The following TSHZ2 variants were observed in gnomAD, a reference collection of about 807,000 sequenced individuals.
TSHZ2 encodes teashirt zinc finger homeobox 2.
A neutral mutation model predicts 74.4 loss-of-function variants in TSHZ2; 21 were observed. The ratio of observed to expected loss-of-function variants is 0.28; its 90% CI spans 0.20 to 0.41. The LOEUF is 0.41. TSHZ2 is among the 10% of genes least tolerant of loss of function. The pLI is 1.00. For missense variants in TSHZ2, 1,244 were observed against 1,293.5 expected, an observed-to-expected ratio of 0.96 and a Z score of 0.59; for synonymous variants, 540 against 515.3, an observed-to-expected ratio of 1.05 and a Z score of -0.65.
chr20:53,340,260 G>A (rs963127717), intron 2 of TSHZ2, among the ~76,000 whole-genome samples: 172 of 130,274 alleles, frequency 1.3e-3, no homozygotes, highest in African/African-American at 3.5e-3. Flanking sequence ...TCGGCTCACT[G>A]CAAACTCCGC....
At chr20:53,172,808 G>A (rs1015063859) in intron 1 of TSHZ2, among the ~76,000 whole-genome samples, 9 of 152,166 alleles carry the variant, frequency 5.9e-5, no homozygotes, top group Admixed American at 2.6e-4. Flanking sequence ...TATTCCATTC[G>A]GTCCTCTTCA....
chr20:53,233,198 A>C (rs1472313459), intron 1 of TSHZ2, among the ~76,000 whole-genome samples: 2 of 152,258 alleles, frequency 1.3e-5, no homozygotes, highest in Non-Finnish European at 2.9e-5. Flanking sequence ...GGAATCAATG[A>C]AATGCTATTT....
At chr20:53,228,217 C>T (rs1239934570) in intron 1 of TSHZ2, among the ~76,000 whole-genome samples, 2 of 151,650 alleles carry the variant, frequency 1.3e-5, no homozygotes, top group Non-Finnish European at 2.9e-5. Flanking sequence ...GGACTCTGTG[C>T]CTCTGGAAGT....
At chr20:53,335,393 G>A (rs562208527) in intron 2 of TSHZ2, among the ~76,000 whole-genome samples, 4 of 152,184 alleles carry the variant, frequency 2.6e-5, no homozygotes, top group Non-Finnish European at 5.9e-5. Flanking sequence ...AATAGACTGG[G>A]TCCCTAAAGA....
At chr20:53,083,503 G>A (rs1473695362) in intron 1 of TSHZ2, among the ~76,000 whole-genome samples, 2 of 151,898 alleles carry the variant, frequency 1.3e-5, no homozygotes, top group Admixed American at 6.6e-5. Flanking sequence ...TGATCACATC[G>A]GAAAGCCAAA....
chr20:53,102,003 A>T (rs774350745), intron 1 of TSHZ2, among the ~76,000 whole-genome samples: 1 of 149,994 alleles, frequency 6.7e-6, no homozygotes, highest in Non-Finnish European at 1.5e-5. Flanking sequence ...TAATTTGGTA[A>T]CAATAAATAA....
chr20:53,444,864 C>T (rs1264486595), intron 2 of TSHZ2, among the ~76,000 whole-genome samples: 1 of 152,142 alleles, frequency 6.6e-6, no homozygotes. Flanking sequence ...TGCCACTTGG[C>T]CCCCCAGCCC....
intron 2 of TSHZ2, among the ~76,000 whole-genome samples, chr20:53,366,945 T>G (rs1372467711): frequency 6.6e-6 from 1 of 152,222 alleles, no homozygotes; most frequent in Non-Finnish European, 1.5e-5. Flanking sequence ...AAGGAAAGGC[T>G]TGGGCTGTGC....
At chr20:53,428,464 T>G (rs970565867) in intron 2 of TSHZ2, among the ~76,000 whole-genome samples, 1 of 152,216 alleles carries the variant, frequency 6.6e-6, no homozygotes, top group African/African-American at 2.4e-5. Context: ...TGGCTTCAGT[T>G]TGGGGAACTC....
intron 1 of TSHZ2, among the ~76,000 whole-genome samples, chr20:52,987,393 C>T (rs78230758): frequency 0.013 from 1,956 of 152,236 alleles, 19 homozygotes; most frequent in East Asian, 0.019. Context: ...ATTTGAATTA[C>T]AGGATAACAG....
intron 1 of TSHZ2, among the ~76,000 whole-genome samples, chr20:53,097,471 CAA>C (rs1311198179): frequency 2.0e-5 from 3 of 152,134 alleles, no homozygotes; most frequent in Non-Finnish European, 4.4e-5. Flanking sequence ...AATGCTGTCT[CAA>C]GACTCCTAGA....
rs925877586 is a variant in TSHZ2 at position 53,337,715 on chromosome 20, C to T, written c.*8+81144C>T. ...ATAATTAAATAACATTGACTCCCAA[C>T]GTGAAAAACTCATTTCCCTTCCATG... On this transcript the variant is annotated intron_variant, in intron 2 of 2. Coordinates refer to ENST00000371497, the MANE Select transcript of TSHZ2 (RefSeq NM_173485.6). Among the ~76,000 whole-genome samples, 8 of 152,324 alleles carry T rather than the reference C, an allele frequency of 5.3e-5. No individual in the cohort carries two copies. In the South Asian group the frequency reaches 6.2e-4, roughly 12 times the overall value.
intron 2 of TSHZ2, among the ~76,000 whole-genome samples, chr20:53,258,090 G>A (rs1990519770): frequency 6.6e-6 from 1 of 152,202 alleles, no homozygotes; most frequent in Non-Finnish European, 1.5e-5. Context: ...TTCTGATGGA[G>A]AGGAGTCCTC....
intron 2 of TSHZ2, among the ~76,000 whole-genome samples, chr20:53,347,389 C>T (rs1426187518): frequency 6.6e-6 from 1 of 152,144 alleles, no homozygotes; most frequent in African/African-American, 2.4e-5. Flanking sequence ...AGTGATAATG[C>T]CTGTGACCCC....
intron 1 of TSHZ2, chr20:53,168,748 A>G (rs1988120644): frequency 1.3e-5 from 2 of 152,212 alleles, no homozygotes; most frequent in Admixed American, 1.3e-4. Context: ...CATCTGGAGC[A>G]TGTGGCTTCC....
chr20:53,458,032 A>T (rs77063606), intron 2 of TSHZ2, among the ~76,000 whole-genome samples: 11 of 152,088 alleles, frequency 7.2e-5, no homozygotes, highest in African/African-American at 1.7e-4. Context: ...TTTTTGGTTG[A>T]GTCTCTGCCC....
intron 2 of TSHZ2, among the ~76,000 whole-genome samples, chr20:53,413,091 G>A (rs968614930): frequency 1.3e-5 from 2 of 152,178 alleles, no homozygotes; most frequent in Non-Finnish European, 2.9e-5. Flanking sequence ...GACAGGGAGG[G>A]GAAGAGCAGC....
At chr20:53,291,040 T>C (rs922739062) in intron 2 of TSHZ2, among the ~76,000 whole-genome samples, 1 of 152,172 alleles carries the variant, frequency 6.6e-6, no homozygotes, top group African/African-American at 2.4e-5. Context: ...GCCTATGCAG[T>C]AGCTGCTTAG....
intron 1 of TSHZ2, among the ~76,000 whole-genome samples, chr20:53,234,034 G>A (rs571777196): frequency 1.6e-4 from 25 of 152,298 alleles, no homozygotes; most frequent in South Asian, 1.0e-3. Context: ...CTGAAAGCAT[G>A]GGCCCAGTAA....
Sources: allele counts gnomAD v4.1 joint callset (sites outside exome capture counted in the v4.1 genomes callset), GRCh38; gene constraint gnomAD v4.1.1; transcripts MANE v1.5; gene names NCBI Gene and HGNC (gene_info 2026-07-23, HGNC 2026-07-21).